Variants in ARHGAP6 observed in about 807,000 individuals in gnomAD.
The protein encoded by ARHGAP6 is Rho GTPase activating protein 6, also known as rho GTPase-activating protein 6.
In ARHGAP6, 16 loss-of-function variants were observed where a neutral mutation model predicts 55.7. That is an observed-to-expected ratio of 0.29 (90% CI 0.19 to 0.44). The LOEUF is 0.44. Ranked by LOEUF, ARHGAP6 falls within the 20% of genes least tolerant of loss-of-function variation. The pLI is 1.00. For synonymous variants in ARHGAP6, 382 were observed against 360.9 expected, an observed-to-expected ratio of 1.06 and a Z score of -0.66; for missense variants, 698 against 808.9, an observed-to-expected ratio of 0.86 and a Z score of 1.66.
chrX:11,143,748 G>C, intron 11 of ARHGAP6: 1 of 1,118,149 alleles, frequency 8.9e-7, no homozygotes, highest in Non-Finnish European at 1.2e-6. Flanking sequence ...CCAGATATCT[G>C]AGACTTGGAG....
intron 1 of ARHGAP6, among the ~76,000 whole-genome samples, chrX:11,379,301 C>A (rs1172867251): frequency 8.9e-6 from 1 of 112,239 alleles, no homozygotes; most frequent in Non-Finnish European, 1.9e-5. Context: ...AAAAGGCTGA[C>A]TCCAGAGTCA....
chrX:11,405,525 G>A (rs752385815), intron 1 of ARHGAP6, among the ~76,000 whole-genome samples: 1 of 111,905 alleles, frequency 8.9e-6, no homozygotes, highest in Non-Finnish European at 1.9e-5. Flanking sequence ...AGGGTTTACT[G>A]TATGATTATT....
At chrX:11,365,745 T>C (rs188880422) in intron 1 of ARHGAP6, among the ~76,000 whole-genome samples, 20 of 112,730 alleles carry the variant, frequency 1.8e-4, no homozygotes, top group Non-Finnish European at 2.8e-4. Flanking sequence ...TTCCAATTCC[T>C]GGCCTTACCA....
At chrX:11,506,486 T>C (rs2050734119) in intron 1 of ARHGAP6, among the ~76,000 whole-genome samples, 1 of 109,902 alleles carries the variant, frequency 9.1e-6, no homozygotes, top group Admixed American at 9.8e-5. Flanking sequence ...TGACAACATG[T>C]GGTGTTTGGT....
At chrX:11,194,602 G>T (rs1408508062) in intron 3 of ARHGAP6, among the ~76,000 whole-genome samples, 2 of 111,732 alleles carry the variant, frequency 1.8e-5, no homozygotes, top group Admixed American at 9.5e-5. Context: ...GGTGTCACTG[G>T]CATCTAATGA....
In ARHGAP6 at chrX:11,329,814, T is replaced by C. The variant is rs967322588; in HGVS notation, c.589-75107A>G. On this transcript the variant is annotated intron_variant, in intron 1 of 12. Coordinates refer to ENST00000337414, the MANE Select transcript of ARHGAP6 (RefSeq NM_013427.3). ...GCTAGATGGTACAGCCTATTGCTCC[T>C]GTAATACAGACCTGTACAGCATGTT... is the stretch of plus-strand genomic sequence containing the variant. Among the ~76,000 whole-genome samples the C allele has an allele frequency of 4.4e-5, 5 of 112,591 alleles. No homozygotes were observed. In the Admixed American group the frequency reaches 4.7e-4, roughly 11 times the overall value.
At chrX:11,310,635 C>G (rs2048289932) in intron 1 of ARHGAP6, among the ~76,000 whole-genome samples, 1 of 111,791 alleles carries the variant, frequency 8.9e-6, no homozygotes, top group Non-Finnish European at 1.9e-5. Flanking sequence ...AACAATCATT[C>G]CCCAATTACA....
chrX:11,389,233 T>C (rs1452851618), intron 1 of ARHGAP6, among the ~76,000 whole-genome samples: 1 of 112,143 alleles, frequency 8.9e-6, no homozygotes. Flanking sequence ...CTGCTCTAGA[T>C]AGTAAGGTTA....
chrX:11,461,729 G>A (rs1008007355), intron 1 of ARHGAP6, among the ~76,000 whole-genome samples: 2 of 112,243 alleles, frequency 1.8e-5, no homozygotes, highest in Non-Finnish European at 3.8e-5. Flanking sequence ...CAGTTCAGCA[G>A]AACATTATCA....
chrX:11,241,172 T>A (rs917218339), intron 2 of ARHGAP6, among the ~76,000 whole-genome samples: 7 of 110,162 alleles, frequency 6.4e-5, no homozygotes, highest in Admixed American at 1.9e-4. Context: ...TGCTTCCAGT[T>A]CTGCTTGCAA....
chrX:11,353,196 G>A (rs779033183), intron 1 of ARHGAP6, among the ~76,000 whole-genome samples: 14 of 111,617 alleles, frequency 1.3e-4, no homozygotes, highest in African/African-American at 3.3e-4. Flanking sequence ...CAGATCCTTG[G>A]AAAATTTTCA....
At chrX:11,188,654 C>T (rs2046416460) in intron 4 of ARHGAP6, 74 bp downstream of exon 4, 1 of 1,141,264 alleles carries the variant, frequency 8.8e-7, no homozygotes, top group Non-Finnish European at 1.2e-6. Context: ...TTCACATGAA[C>T]AAAAACGCAA....
At position 11,652,604 on chromosome X, in the gene ARHGAP6, C is replaced by G. The variant is rs182821371; in HGVS notation, c.588+11637G>C. On this transcript the variant is annotated intron_variant, in intron 1 of 12. Coordinates refer to ENST00000337414, the MANE Select transcript of ARHGAP6 (RefSeq NM_013427.3). The stretch of plus-strand genomic sequence containing the variant: ...TGCTCAGAAAGCAAGCTAGGCCAAC[C>G]CGTACTTCCCTAGCAACAATAATAA... Among the ~76,000 whole-genome samples the G allele has an allele frequency of 2.7e-5, 3 of 112,233 alleles. No individual in the cohort carries two copies. The Admixed American group carries it at 2.8e-4, about 11-fold the overall frequency.
chrX:11,296,309 G>A (rs756541454), intron 1 of ARHGAP6, among the ~76,000 whole-genome samples: 68 of 112,184 alleles, frequency 6.1e-4, no homozygotes, highest in Non-Finnish European at 9.6e-4. Context: ...GGGAACATTC[G>A]TGAGACAATT....
chrX:11,283,016 T>G (rs1208932224), intron 1 of ARHGAP6, among the ~76,000 whole-genome samples: 1 of 111,920 alleles, frequency 8.9e-6, no homozygotes, highest in Non-Finnish European at 1.9e-5. Flanking sequence ...TATATCTCCA[T>G]GTGCTCTATT....
At chrX:11,488,399 C>T (rs774350925) in intron 1 of ARHGAP6, among the ~76,000 whole-genome samples, 1 of 111,999 alleles carries the variant, frequency 8.9e-6, no homozygotes, top group African/African-American at 3.2e-5. Context: ...ACCATTACTT[C>T]GACCTTTTTG....
At chrX:11,436,045 C>T (rs1440780780) in intron 1 of ARHGAP6, among the ~76,000 whole-genome samples, 1 of 112,310 alleles carries the variant, frequency 8.9e-6, no homozygotes, top group East Asian at 2.8e-4. Flanking sequence ...ATTAACATGT[C>T]AAGAAATGAC....
At chrX:11,419,597 C>T (rs2049794536) in intron 1 of ARHGAP6, among the ~76,000 whole-genome samples, 1 of 112,110 alleles carries the variant, frequency 8.9e-6, no homozygotes, top group Non-Finnish European at 1.9e-5. Flanking sequence ...GTCTAATTAA[C>T]ATGGCATCAC....
intron 1 of ARHGAP6, among the ~76,000 whole-genome samples, chrX:11,631,669 C>T (rs762583365): frequency 1.8e-5 from 2 of 111,816 alleles, no homozygotes; most frequent in East Asian, 2.8e-4. Context: ...GAGCAGCAAA[C>T]ATTTTCTGTA....
Sources: gnomAD v4.1 joint callset for allele counts (sites outside exome capture counted in the v4.1 genomes callset) on GRCh38, gnomAD v4.1.1 for gene constraint, MANE v1.5 for transcripts, NCBI Gene and HGNC (gene_info 2026-07-23, HGNC 2026-07-21) for gene names.